Variants in MOGAT2 observed in about 807,000 individuals in gnomAD.
MOGAT2 encodes 2-acylglycerol O-acyltransferase 2.
Under a neutral mutation model 31.5 loss-of-function variants are expected in MOGAT2, and 27 were observed. The ratio of observed to expected loss-of-function variants is 0.86; its 90% CI spans 0.63 to 1.18. The LOEUF (loss-of-function observed/expected upper bound fraction) is 1.18. MOGAT2 is among the 50% of genes most tolerant of loss of function. The probability of loss-of-function intolerance (pLI) is 0.00; values close to 1 mark genes in which losing one functional copy is unlikely to be tolerated. For synonymous variants in MOGAT2, 163 were observed against 170.0 expected, an observed-to-expected ratio of 0.96 and a Z score of 0.32; for missense variants, 436 against 433.2, an observed-to-expected ratio of 1.01 and a Z score of -0.06.
chr11:75,729,673 A>T (rs1045450364), intron 5 of MOGAT2, among the ~76,000 whole-genome samples: 3 of 152,178 alleles, frequency 2.0e-5, no homozygotes, highest in Non-Finnish European at 4.4e-5. Context: ...GTTTTTGAAT[A>T]ACAAAGTTGA....
At chr11:75,718,027 G>A (rs761123657) in intron 1 of MOGAT2, 48 bp downstream of exon 1, 2 of 1,567,396 alleles carry the variant, frequency 1.3e-6, no homozygotes, top group Non-Finnish European at 1.8e-6. Flanking sequence ...ACTCAGGTGG[G>A]GCAGAGCAGC....
intron 2 of MOGAT2, among the ~76,000 whole-genome samples, chr11:75,724,874 C>T (rs1336217875): frequency 6.6e-6 from 1 of 152,196 alleles, no homozygotes; most frequent in Non-Finnish European, 1.5e-5. Flanking sequence ...TAACAAGCTG[C>T]CATGGCCCTT....
intron 2 of MOGAT2, among the ~76,000 whole-genome samples, chr11:75,722,823 C>T (rs894080962): frequency 1.3e-5 from 2 of 152,240 alleles, no homozygotes; most frequent in African/African-American, 2.4e-5. Flanking sequence ...ACCCTATCAA[C>T]GTCCGTCCTT....
intron 2 of MOGAT2, among the ~76,000 whole-genome samples, chr11:75,721,153 A>G (rs1317920347): frequency 6.6e-6 from 1 of 152,052 alleles, no homozygotes; most frequent in African/African-American, 2.4e-5. Flanking sequence ...CCCATACCAT[A>G]TCAGCTGTAT....
intron 2 of MOGAT2, among the ~76,000 whole-genome samples, chr11:75,721,200 C>G (rs964336091): frequency 8.5e-5 from 13 of 152,282 alleles, no homozygotes; most frequent in South Asian, 4.1e-4. Flanking sequence ...GCCTCAGTTT[C>G]CTCATATGTA....
intron 5 of MOGAT2, 116 bp from the exon 6 acceptor site, chr11:75,731,016 G>A: frequency 1.3e-6 from 1 of 744,176 alleles, no homozygotes; most frequent in Non-Finnish European, 2.1e-6. Context: ...AAATTCATTA[G>A]GGTTGGAAGG....
chr11:75,728,859 C>T lies in MOGAT2; in HGVS notation c.720C>T (p.Gly240=), dbSNP rs1944446604. The part of the protein sequence containing the change: ...DLFDQIPNSS[G]SWLRYIQNRL... ...TTGACCAGATTCCCAACTCTTCTGG[C>T]TCCTGGTTACGCTATATCCAGAATC... The change falls in exon 5 of 6, where the codon GGC becomes GGT. Residue 240 remains glycine (G), a synonymous_variant. Transcript: ENST00000198801. 1.2e-6 allele frequency: 2 copies of T among 1,614,210 alleles called. No individual in the cohort carries two copies. Among genetic ancestry groups the T allele is most frequent in the Non-Finnish European group, 1.7e-6 (2 of 1,180,026 alleles).
chr11:75,730,973 A>T, intron 5 of MOGAT2, 159 bp from the exon 6 acceptor site: 1 of 446,538 alleles, frequency 2.2e-6, no homozygotes, highest in Non-Finnish European at 3.9e-6. Flanking sequence ...CGTTGTTATT[A>T]TATCAGAATC....
At chr11:75,721,148 A>G (rs1255054304) in intron 2 of MOGAT2, among the ~76,000 whole-genome samples, 1 of 152,014 alleles carries the variant, frequency 6.6e-6, no homozygotes, top group Non-Finnish European at 1.5e-5. Context: ...TCTGCCCCAT[A>G]CCATATCAGC....
intron 2 of MOGAT2, among the ~76,000 whole-genome samples, chr11:75,724,293 G>A (rs901929681): frequency 1.3e-5 from 2 of 152,222 alleles, no homozygotes; most frequent in Admixed American, 6.5e-5. Context: ...CTGCACTGGG[G>A]ACACAGATGC....
At position 75,728,876 on chromosome 11, in the gene MOGAT2, T is replaced by C. The variant is rs574851221; in HGVS notation, c.737T>C (p.Ile246Thr). Residue 246 changes from isoleucine to threonine, a missense_variant, in exon 5 of 6, where the codon ATC becomes ACC. Physicochemically the swap from Ile to Thr is moderately conservative, Grantham distance 89. Transcript: ENST00000198801. ...PNSSGSWLRY[I>T]QNRLQKIMGI... Reference sequence around the variant, plus strand: ...TCTTCTGGCTCCTGGTTACGCTATATCCAGAATCGGTTGCAGAAGATCATG... The same window carrying C: ...TCTTCTGGCTCCTGGTTACGCTATACCCAGAATCGGTTGCAGAAGATCATG... 7 of 1,614,056 alleles carry C rather than the reference T, an allele frequency of 4.3e-6. No individual in the cohort carries two copies. The highest frequency in any genetic ancestry group is 5.9e-6 in the Non-Finnish European group (7 of 1,180,002).
chr11:75,728,393 T>C (rs2371370), intron 4 of MOGAT2: 12,268 of 642,072 alleles, frequency 0.019, 850 homozygotes, highest in African/African-American at 0.17. Context: ...TGATCTGAGA[T>C]CTGTGGTATC....
chr11:75,728,422 G>A, intron 4 of MOGAT2: 1 of 586,952 alleles, frequency 1.7e-6, no homozygotes, highest in Non-Finnish European at 3.1e-6. Flanking sequence ...TGATATTTGG[G>A]GTACATTTCA....
chr11:75,724,825 A>G (rs979095808), intron 2 of MOGAT2, among the ~76,000 whole-genome samples: 1 of 152,160 alleles, frequency 6.6e-6, no homozygotes, highest in African/African-American at 2.4e-5. Context: ...CACAGTTGCA[A>G]CACTCTCCAC....
chr11:75,727,880 G>T (rs1264179663), intron 3 of MOGAT2, 90 bp from the exon 4 acceptor site: 2 of 1,341,966 alleles, frequency 1.5e-6, no homozygotes, highest in Admixed American at 4.6e-5. Context: ...GCCTCAGTAG[G>T]CATTGCTGGT....
At chr11:75,725,860 C>A (rs1176266968) in intron 2 of MOGAT2, among the ~76,000 whole-genome samples, 1 of 152,200 alleles carries the variant, frequency 6.6e-6, no homozygotes, top group African/African-American at 2.4e-5. Context: ...CAGGGAGCCT[C>A]CCGATGGGGT....
intron 5 of MOGAT2, among the ~76,000 whole-genome samples, chr11:75,730,009 C>T (rs112401212): frequency 0.062 from 9,420 of 151,802 alleles, 924 homozygotes; most frequent in African/African-American, 0.21. Context: ...CCTCCCAAAG[C>T]ACTGGGATTA....
intron 5 of MOGAT2, among the ~76,000 whole-genome samples, chr11:75,729,954 A>T (rs577991518): frequency 7.9e-5 from 12 of 152,036 alleles, no homozygotes; most frequent in Non-Finnish European, 8.8e-5. Flanking sequence ...CATGTTGGCC[A>T]GGCTGGTCTC....
chr11:75,720,362 C>T (rs950640788), intron 2 of MOGAT2, among the ~76,000 whole-genome samples, 192 bp downstream of exon 2: 4 of 152,134 alleles, frequency 2.6e-5, no homozygotes, highest in Non-Finnish European at 5.9e-5. Context: ...ATCATGGTTT[C>T]GCATCTGCAG....
Sources: allele counts gnomAD v4.1 joint callset (sites outside exome capture counted in the v4.1 genomes callset), GRCh38; gene constraint gnomAD v4.1.1; transcripts MANE v1.5; gene names NCBI Gene and HGNC (gene_info 2026-07-23, HGNC 2026-07-21).